The following NELL2 variants were observed in gnomAD, a reference collection of about 807,000 sequenced individuals.
NELL2 encodes protein kinase C-binding protein NELL2.
In NELL2, 41 loss-of-function variants were observed where a neutral mutation model predicts 109.6. That is an observed-to-expected ratio of 0.37 (90% CI 0.29 to 0.49). The LOEUF is 0.49. Ranked by LOEUF, NELL2 falls within the 20% of genes least tolerant of loss-of-function variation. NELL2 has a pLI of 0.98. For synonymous variants in NELL2, 355 were observed against 344.7 expected (o/e 1.03, Z -0.33); for missense variants, 900 against 1,008.3 (o/e 0.89, Z 1.45).
intron 11 of NELL2, 141 bp from the exon 12 acceptor site, chr12:44,703,995 G>C: frequency 1.5e-6 from 1 of 672,056 alleles, no homozygotes; most frequent in Non-Finnish European, 2.4e-6. Context: ...ATTTACAGAA[G>C]AATCACATGC....
chr12:44,764,405 C>T (rs572687822), intron 9 of NELL2, among the ~76,000 whole-genome samples: 12 of 152,028 alleles, frequency 7.9e-5, no homozygotes, highest in East Asian at 1.9e-4. Flanking sequence ...CATTTTAATA[C>T]GAAATACTAG....
At chr12:44,549,768 T>A (rs769055218) in intron 15 of NELL2, among the ~76,000 whole-genome samples, 5 of 152,254 alleles carry the variant, frequency 3.3e-5, no homozygotes, top group Middle Eastern at 3.4e-3. Flanking sequence ...TGGAAAGATA[T>A]CCTAAGTTCA....
chr12:44,669,899 CAA>C (rs1948078661), intron 12 of NELL2, among the ~76,000 whole-genome samples: 1 of 152,138 alleles, frequency 6.6e-6, no homozygotes, highest in African/African-American at 2.4e-5. Context: ...ACATGAAGCT[CAA>C]AGATTCCCAG....
intron 13 of NELL2, among the ~76,000 whole-genome samples, chr12:44,655,090 C>T (rs2136322318): frequency 6.6e-6 from 1 of 152,296 alleles, no homozygotes; most frequent in East Asian, 1.9e-4. Flanking sequence ...CAGCTATCTG[C>T]TTTTCATATA....
At chr12:44,917,130 G>C (rs73283042), upstream of NELL2, among the ~76,000 whole-genome samples, 884 of 152,268 alleles carry the variant, frequency 5.8e-3, 6 homozygotes, top group African/African-American at 0.02. Context: ...TGATTCTAAT[G>C]TGCAGCCAGG....
chr12:44,672,252 A>G (rs1304997282), intron 12 of NELL2, among the ~76,000 whole-genome samples: 2 of 152,220 alleles, frequency 1.3e-5, no homozygotes, highest in Non-Finnish European at 2.9e-5. Context: ...AGTGGGCCGC[A>G]CAGCAGGAAG....
At chr12:44,691,690 C>G (rs1320827673) in intron 12 of NELL2, among the ~76,000 whole-genome samples, 1 of 152,102 alleles carries the variant, frequency 6.6e-6, no homozygotes, top group Non-Finnish European at 1.5e-5. Flanking sequence ...CCACAGAACA[C>G]ATGAATTATA....
At chr12:44,584,208 G>A (rs757280638) in intron 15 of NELL2, among the ~76,000 whole-genome samples, 13 of 152,252 alleles carry the variant, frequency 8.5e-5, no homozygotes, top group Middle Eastern at 3.4e-3. Flanking sequence ...GGTTTTAAAC[G>A]TCCGCTTACC....
chr12:44,663,978 G>A (rs1947837225), intron 13 of NELL2, among the ~76,000 whole-genome samples: 1 of 152,194 alleles, frequency 6.6e-6, no homozygotes, highest in South Asian at 2.1e-4. Flanking sequence ...GGCTCCCCTG[G>A]AACTGCTAGC....
At chr12:44,547,872 A>G (rs1942865465) in intron 15 of NELL2, among the ~76,000 whole-genome samples, 1 of 152,122 alleles carries the variant, frequency 6.6e-6, no homozygotes, top group Non-Finnish European at 1.5e-5. Flanking sequence ...TGAGGCACCG[A>G]AAGTATATTT....
At chr12:44,710,305 G>T (rs1371232223) in intron 11 of NELL2, among the ~76,000 whole-genome samples, 1 of 151,948 alleles carries the variant, frequency 6.6e-6, no homozygotes, top group Non-Finnish European at 1.5e-5. Context: ...CAATATAAAG[G>T]TCATTATTCA....
chr12:44,665,496 A>AAT lies in NELL2; in HGVS notation c.1430_1431dup (p.Tyr478IlefsTer301). 1 of 1,611,786 alleles carries AAT rather than the reference A, an allele frequency of 6.2e-7. No individual in the cohort carries two copies. On this transcript the variant is annotated frameshift_variant, in exon 13 of 20. Coordinates refer to ENST00000429094, the MANE Select transcript of NELL2 (RefSeq NM_001145108.2). LOFTEE classifies it high-confidence loss of function. ...AGCCACCGTTTACCTGTACATGAAT[A>AAT]ATCATCAATTCTGATGTATCCAGTT...
intron 19 of NELL2, among the ~76,000 whole-genome samples, chr12:44,510,454 T>G (rs1940947439): frequency 6.6e-6 from 1 of 152,206 alleles, no homozygotes; most frequent in African/African-American, 2.4e-5. Flanking sequence ...GAAAATTGGC[T>G]TTTGATGATT....
At chr12:44,768,735 T>TGAA (rs1476337194) in intron 9 of NELL2, among the ~76,000 whole-genome samples, 2 of 146,008 alleles carry the variant, frequency 1.4e-5, no homozygotes, top group Non-Finnish European at 3.0e-5. Context: ...CAACACACCT[T>TGAA]TCTTTTGATT....
chr12:44,808,875 C>G (rs1270042436), intron 3 of NELL2, among the ~76,000 whole-genome samples: 1 of 151,922 alleles, frequency 6.6e-6, no homozygotes, highest in Non-Finnish European at 1.5e-5. Flanking sequence ...ATAGAAAAAT[C>G]TCATTTATTT....
chr12:44,875,151 C>G, intron 2 of NELL2, 74 bp downstream of exon 2: 1 of 1,544,882 alleles, frequency 6.5e-7, no homozygotes, highest in Non-Finnish European at 8.7e-7. Context: ...AAAGTTAGGA[C>G]AAGCGGCAAG....
chr12:44,547,470 C>A (rs993203275), intron 15 of NELL2, among the ~76,000 whole-genome samples: 1 of 152,166 alleles, frequency 6.6e-6, no homozygotes, highest in Admixed American at 6.5e-5. Flanking sequence ...ATTACTCCAG[C>A]ATGTAAATAT....
At chr12:44,793,003 T>A (rs1942489223) in intron 3 of NELL2, among the ~76,000 whole-genome samples, 2 of 152,124 alleles carry the variant, frequency 1.3e-5, no homozygotes, top group African/African-American at 2.4e-5. Context: ...ATGTAATACA[T>A]CCATATTCTA....
intron 15 of NELL2, among the ~76,000 whole-genome samples, chr12:44,562,015 A>C (rs892001352): frequency 6.6e-6 from 1 of 152,178 alleles, no homozygotes; most frequent in African/African-American, 2.4e-5. Context: ...AAATAACGTC[A>C]CATATCTGTC....
Sources: gnomAD v4.1 joint callset for allele counts (sites outside exome capture counted in the v4.1 genomes callset) on GRCh38, gnomAD v4.1.1 for gene constraint, MANE v1.5 for transcripts, NCBI Gene and HGNC (gene_info 2026-07-23, HGNC 2026-07-21) for gene names.